Variants in GM2A observed in about 807,000 individuals in gnomAD.
GM2A encodes the protein ganglioside GM2 activator.
GM2A carries 7 observed loss-of-function variants against 12.9 expected under a neutral mutation model. That is an observed-to-expected ratio of 0.54 (90% CI 0.31 to 1.02). The LOEUF (loss-of-function observed/expected upper bound fraction) is 1.02. GM2A is among the 50% of genes least tolerant of loss of function. GM2A has a pLI of 0.05. For synonymous variants in GM2A, 101 were observed against 96.0 expected (o/e 1.05, Z -0.30); for missense variants, 246 against 241.0 (o/e 1.02, Z -0.14).
At chr5:151,263,492 C>T (rs248465) in intron 2 of GM2A, among the ~76,000 whole-genome samples, 91,413 of 151,950 alleles carry the variant, frequency 0.6, 28,022 homozygotes, top group East Asian at 0.89. Flanking sequence ...GGAGAAGAGC[C>T]GATGAGGGAC....
chr5:151,268,672 A>G lies in GM2A; in HGVS notation c.*1221A>G, dbSNP rs1314741318. 1.5e-5 allele frequency: 9 copies of G among 612,924 alleles called. No homozygotes were observed. In the Admixed American group the frequency reaches 6.2e-4, roughly 42 times the overall value. The allele number at this position is 612,924 out of a possible 1,614,324, so 38.0% of individuals were successfully genotyped here. A position where few individuals can be genotyped will look rare whatever the true frequency, so the allele number is the denominator to read the frequency against. On this transcript the variant is annotated 3_prime_UTR_variant, in exon 4 of 4. Coordinates refer to ENST00000357164, the MANE Select transcript of GM2A (RefSeq NM_000405.5). ...TACTCCAGCCTGGTGACAGAGTGAG[A>G]CTCTGTCTCAAAAAAAAAGTTTCAA...
At position 151,269,281 on chromosome 5, in the gene GM2A, A is replaced by G. The variant is rs1329964242; in HGVS notation, c.*1830A>G. 2 of 985,312 alleles carry G rather than the reference A, an allele frequency of 2.0e-6. No individual in the cohort carries two copies. The highest frequency in any genetic ancestry group is 2.4e-6 in the Non-Finnish European group (2 of 829,968). The allele number at this position is 985,312 out of a possible 1,614,324, so 61.0% of individuals were successfully genotyped here. On this transcript the variant is annotated 3_prime_UTR_variant, in exon 4 of 4. Transcript: ENST00000357164. ...CTTGGCTGCATATTTCACTGATCAC[A>G]TCTCAGGATTTCAAAAGCATTTTTG...
At position 151,269,988 on chromosome 5, in the gene GM2A, T is replaced by A; in HGVS notation, c.*2537T>A. ...CACAGCCGTTTCCCTCTGTTGGATC[T>A]TCCAGCCTTATTCTCAACAGTTCAT... is the stretch of plus-strand genomic sequence containing the variant. On this transcript the variant is annotated 3_prime_UTR_variant, in exon 4 of 4. Coordinates refer to ENST00000357164, the MANE Select transcript of GM2A (RefSeq NM_000405.5). The A allele has an allele frequency of 8.2e-7, 1 of 1,224,912 alleles. No homozygotes were observed. The highest frequency in any genetic ancestry group is 1.0e-6 in the Non-Finnish European group (1 of 984,146). The allele number at this position is 1,224,912 out of a possible 1,614,324, so 75.9% of individuals were successfully genotyped here. A position where few individuals can be genotyped will look rare whatever the true frequency, so the allele number is the denominator to read the frequency against.
At position 151,253,315 on chromosome 5, in the gene GM2A, T is replaced by C; in HGVS notation, c.81+18T>C. Reference sequence around the variant, plus strand: ...TGAAAAAGGTGAGTGCACCCTCTTTTAAGAGTCTGTTTGCAGCCTCCTGGC... The same window carrying C: ...TGAAAAAGGTGAGTGCACCCTCTTTCAAGAGTCTGTTTGCAGCCTCCTGGC... On this transcript the variant is annotated intron_variant, in intron 1 of 3. Coordinates refer to ENST00000357164, the MANE Select transcript of GM2A (RefSeq NM_000405.5). The C allele has an allele frequency of 6.3e-7, 1 of 1,591,142 alleles. No homozygotes were observed. The highest frequency in any genetic ancestry group is 2.2e-5 in the East Asian group (1 of 44,766).
At chr5:151,258,849 A>G (rs1753741862) in intron 1 of GM2A, among the ~76,000 whole-genome samples, 3 of 152,008 alleles carry the variant, frequency 2.0e-5, no homozygotes, top group African/African-American at 7.3e-5. Context: ...CAGGGTGTGG[A>G]TGGAGGGCAT....
chr5:151,253,267 C>T lies in GM2A; in HGVS notation c.51C>T (p.Leu17=), dbSNP rs1753622502. The T allele has an allele frequency of 6.2e-7, 1 of 1,613,876 alleles. No individual in the cohort carries two copies. ...TCCTGATCGCCCTGGGCTTGCTTCT[C>T]GCGGCCCCTGCGCAAGCCCACCTGA... ...APLLIALGLL[L]AAPAQAHLKK... Residue 17 remains leucine (L), a synonymous_variant, in exon 1 of 4, where the codon CTC becomes CTT. Transcript: ENST00000357164.
intron 1 of GM2A, among the ~76,000 whole-genome samples, chr5:151,254,627 T>C (rs138192121): frequency 6.6e-6 from 1 of 152,338 alleles, no homozygotes; most frequent in East Asian, 1.9e-4. Flanking sequence ...CCATCATAAG[T>C]TGAAAATGCA....
Position 151,257,685 on chromosome 5 carries a change from C to A in GM2A, c.82-2070C>A, listed in dbSNP as rs1180235626. Among the ~76,000 whole-genome samples, 5 of 152,246 alleles carry A rather than the reference C, an allele frequency of 3.3e-5. No individual in the cohort carries two copies. In the Middle Eastern group the frequency reaches 0.01, roughly 311 times the overall value. On this transcript the variant is annotated intron_variant, in intron 1 of 3. Transcript: ENST00000357164. Reference sequence around the variant, plus strand: ...GTCCTGCATTAAATGACCCTGCTACCCCTCCAACCTCATCTGGGTCCCTCA... The same window carrying A: ...GTCCTGCATTAAATGACCCTGCTACACCTCCAACCTCATCTGGGTCCCTCA...
intron 2 of GM2A, among the ~76,000 whole-genome samples, 162 bp downstream of exon 2, chr5:151,260,078 A>C (rs1448191602): frequency 2.6e-5 from 4 of 152,180 alleles, no homozygotes; most frequent in African/African-American, 9.7e-5. Context: ...GGTTCATGGA[A>C]TCTCAGGATC....
chr5:151,253,882 C>G (rs78578609), intron 1 of GM2A, among the ~76,000 whole-genome samples: 1 of 152,216 alleles, frequency 6.6e-6, no homozygotes, highest in African/African-American at 2.4e-5. Flanking sequence ...CTTCTTCCTT[C>G]ACTTCTCATT....
At chr5:151,264,770 A>G (rs1454137184) in intron 2 of GM2A, among the ~76,000 whole-genome samples, 1 of 152,174 alleles carries the variant, frequency 6.6e-6, no homozygotes, top group East Asian at 1.9e-4. Context: ...ATTTGAAGTC[A>G]GGAGTTTGAG....
At chr5:151,253,362 T>G in intron 1 of GM2A, 65 bp downstream of exon 1, 2 of 1,201,448 alleles carry the variant, frequency 1.7e-6, no homozygotes, top group African/African-American at 1.5e-5. Context: ...TGTGCGGGTC[T>G]GGCTGAGATA....
intron 1 of GM2A, among the ~76,000 whole-genome samples, chr5:151,256,508 G>C (rs147809871): frequency 6.6e-6 from 1 of 151,580 alleles, no homozygotes; most frequent in East Asian, 1.9e-4. Context: ...GGGAGGCTGA[G>C]GCAGGAGAAA....
At chr5:151,266,679 G>A in intron 2 of GM2A, 52 bp from the exon 3 acceptor site, 1 of 1,396,968 alleles carries the variant, frequency 7.2e-7, no homozygotes, top group Non-Finnish European at 1.0e-6. Context: ...GTTTGCCCTG[G>A]AATTTACACT....
At chr5:151,265,382 C>T (rs1582074031) in intron 2 of GM2A, among the ~76,000 whole-genome samples, 1 of 152,190 alleles carries the variant, frequency 6.6e-6, no homozygotes. Context: ...ACATAAGTGC[C>T]CATCCAGGAT....
Position 151,268,161 on chromosome 5 carries a change from CT to C in GM2A, c.*723del, listed in dbSNP as rs35982513. On this transcript the variant is annotated 3_prime_UTR_variant, in exon 4 of 4. Coordinates refer to ENST00000357164, the MANE Select transcript of GM2A (RefSeq NM_000405.5). ...TTCCAGGCTTGATTTCGATTTTTCGCTTTTTTTTTTTTTGAGACAGAATCTC... is the reference window on the plus strand; with the variant it reads ...TTCCAGGCTTGATTTCGATTTTTCGCTTTTTTTTTTTTGAGACAGAATCTC... 0.018 allele frequency: 14,939 copies of C among 826,506 alleles called. No homozygotes were observed. The highest frequency in any genetic ancestry group is 0.02 in the Non-Finnish European group (14,185 of 692,428). The allele number at this position is 826,506 out of a possible 1,614,324, so 51.2% of individuals were successfully genotyped here. A position where few individuals can be genotyped will look rare whatever the true frequency, so the allele number is the denominator to read the frequency against.
rs754125210 is a variant in GM2A at position 151,266,778 on chromosome 5, C to T, written c.291C>T (p.Ile97=). 6.2e-7 allele frequency: 1 copy of T among 1,613,732 alleles called. No individual in the cohort carries two copies. Among genetic ancestry groups the T allele is most frequent in the Non-Finnish European group, 8.5e-7 (1 of 1,179,640 alleles). ...AGGTGGCTGGCCTCTGGATCAAGAT[C>T]CCATGCACAGACTACATTGGCAGCT... ...EKEVAGLWIK[I]PCTDYIGSCT... is the part of the protein sequence containing the mutation. The change falls in exon 3 of 4, where the codon ATC becomes ATT. Residue 97 remains isoleucine, a synonymous_variant. Transcript: ENST00000357164.
chr5:151,267,506 G>C lies in GM2A; in HGVS notation c.*55G>C. 6.2e-7 allele frequency: 1 copy of C among 1,611,744 alleles called. No homozygotes were observed. Among genetic ancestry groups the C allele is most frequent in the Non-Finnish European group, 8.5e-7 (1 of 1,179,118 alleles). ...GTGTGAGGAAGGTCCCTTTTCCTCT[G>C]TTTTGTGTTTGCCAAGGCCAAACTC... is the stretch of plus-strand genomic sequence containing the variant. On this transcript the variant is annotated 3_prime_UTR_variant, in exon 4 of 4. Transcript: ENST00000357164.
chr5:151,267,223 C>T, intron 3 of GM2A, 73 bp from the exon 4 acceptor site: 2 of 1,603,592 alleles, frequency 1.2e-6, no homozygotes, highest in Non-Finnish European at 1.7e-6. Context: ...GGCTGCAATC[C>T]TAGCAGTGGC....
Sources: gnomAD v4.1 joint callset for allele counts (sites outside exome capture counted in the v4.1 genomes callset) on GRCh38, gnomAD v4.1.1 for gene constraint, MANE v1.5 for transcripts, NCBI Gene and HGNC (gene_info 2026-07-23, HGNC 2026-07-21) for gene names.